DIP2C: variants seen among roughly 807,000 people sequenced by gnomAD.
DIP2C encodes the protein disco-interacting protein 2 homolog C.
A neutral mutation model predicts 192.4 loss-of-function variants in DIP2C; 33 were observed. That is an observed-to-expected ratio of 0.17 (90% CI 0.13 to 0.23). DIP2C has a LOEUF of 0.23. DIP2C is among the 10% of genes least tolerant of loss of function. The probability of loss-of-function intolerance (pLI) is 1.00; values close to 1 mark genes in which losing one functional copy is unlikely to be tolerated. For synonymous variants in DIP2C, 979 were observed against 864.1 expected (o/e 1.13, Z -2.33); for missense variants, 1,537 against 2,110.1 (o/e 0.73, Z 5.32).
chr10:538,107 T>G lies in DIP2C; in HGVS notation c.86-51577A>C, dbSNP rs897648841. ...GCCTGGCTGTGAATGTATTTTAAAT[T>G]TTTAAGCTTTTTGTTTCTAGACTCT... is the stretch of plus-strand genomic sequence containing the variant. On this transcript the variant is annotated intron_variant, in intron 1 of 36. Transcript: ENST00000280886. Among the ~76,000 whole-genome samples, 6 of 152,212 alleles carry G rather than the reference T, an allele frequency of 3.9e-5. No individual in the cohort carries two copies. The East Asian group carries it at 5.8e-4, about 15-fold the overall frequency.
At chr10:470,496 G>A (rs542883151) in intron 3 of DIP2C, among the ~76,000 whole-genome samples, 12 of 152,168 alleles carry the variant, frequency 7.9e-5, no homozygotes, top group South Asian at 2.1e-4. Flanking sequence ...AACAGAAAAC[G>A]CACCCCAAGC....
intron 2 of DIP2C, among the ~76,000 whole-genome samples, chr10:485,766 G>T (rs1013708192): frequency 1.3e-5 from 2 of 152,210 alleles, no homozygotes; most frequent in Admixed American, 6.5e-5. Flanking sequence ...TTATGTTTGA[G>T]GAAGAAACTG....
In DIP2C at chr10:417,239, T is replaced by C. The variant is rs974055831; in HGVS notation, c.740-1351A>G. ...ACCCCCGAACTTCTAGCTCATGACG[T>C]CTGGGGTGTGACCCAGAATCACCCT... is the stretch of plus-strand genomic sequence containing the variant. On this transcript the variant is annotated intron_variant, in intron 6 of 36. Transcript: ENST00000280886. Among the ~76,000 whole-genome samples, 6 of 152,130 alleles carry C rather than the reference T, an allele frequency of 3.9e-5. No individual in the cohort carries two copies. In the East Asian group the frequency reaches 1.2e-3, roughly 29 times the overall value.
At chr10:335,292 C>G (rs1957706871) in intron 29 of DIP2C, among the ~76,000 whole-genome samples, 1 of 152,206 alleles carries the variant, frequency 6.6e-6, no homozygotes, top group South Asian at 2.1e-4. Context: ...CTTGGATTAT[C>G]TAATGGTGAA....
At chr10:624,221 C>T (rs2131849986) in intron 1 of DIP2C, among the ~76,000 whole-genome samples, 1 of 152,318 alleles carries the variant, frequency 6.6e-6, no homozygotes, top group Middle Eastern at 3.4e-3. Flanking sequence ...AGGCCTGGGG[C>T]TCCCAGCTGA....
At chr10:328,110 C>T (rs901893263) in intron 30 of DIP2C, among the ~76,000 whole-genome samples, 4 of 152,194 alleles carry the variant, frequency 2.6e-5, no homozygotes, top group South Asian at 2.1e-4. Flanking sequence ...CCTCGGCACA[C>T]GGACAACCGA....
At chr10:612,287 G>A (rs963856668) in intron 1 of DIP2C, among the ~76,000 whole-genome samples, 17 of 146,188 alleles carry the variant, frequency 1.2e-4, no homozygotes, top group Admixed American at 3.4e-4. Flanking sequence ...GCAAGACTCC[G>A]TCTCAAAAAA....
chr10:520,520 G>T (rs1278769090), intron 1 of DIP2C, among the ~76,000 whole-genome samples: 2 of 152,218 alleles, frequency 1.3e-5, no homozygotes, highest in Non-Finnish European at 2.9e-5. Flanking sequence ...AGGAGTTTGG[G>T]TTTTCCGTGG....
intron 29 of DIP2C, among the ~76,000 whole-genome samples, chr10:330,290 CGATTCTT>C (rs929555175): frequency 4.6e-5 from 7 of 152,098 alleles, no homozygotes; most frequent in African/African-American, 1.7e-4. Flanking sequence ...AGAAAAATAA[CGATTCTT>C]TAATTTTACC....
chr10:670,361 TACACACATGC>T (rs1321105727), intron 1 of DIP2C, among the ~76,000 whole-genome samples: 18 of 152,054 alleles, frequency 1.2e-4, no homozygotes, highest in African/African-American at 3.9e-4. Flanking sequence ...TACATACACA[TACACACATGC>T]ACACACATGC....
intron 1 of DIP2C, chr10:662,241 C>T: frequency 1.5e-6 from 1 of 648,734 alleles, no homozygotes; most frequent in South Asian, 1.8e-5. Flanking sequence ...TTCCTAGCTC[C>T]TCCTGAAGGT....
At chr10:658,368 G>C (rs1051166770) in intron 1 of DIP2C, among the ~76,000 whole-genome samples, 13 of 144,624 alleles carry the variant, frequency 9.0e-5, no homozygotes, top group Non-Finnish European at 1.9e-4. Context: ...TGGACCTGCC[G>C]CTGGACCTGA....
chr10:416,621 C>T (rs752530091), intron 6 of DIP2C, among the ~76,000 whole-genome samples: 5 of 152,220 alleles, frequency 3.3e-5, no homozygotes, highest in Admixed American at 1.3e-4. Context: ...TTTTAAAATA[C>T]TGTGCTAATT....
chr10:467,515 AAAACTT>A (rs1970306688), intron 3 of DIP2C, among the ~76,000 whole-genome samples: 1 of 126,418 alleles, frequency 7.9e-6, no homozygotes, highest in South Asian at 3.2e-4. Flanking sequence ...CATGTACCCT[AAAACTT>A]AAAGTATAAA....
chr10:510,126 A>AAC (rs1396657193), intron 1 of DIP2C, among the ~76,000 whole-genome samples: 1 of 152,222 alleles, frequency 6.6e-6, no homozygotes, highest in Non-Finnish European at 1.5e-5. Context: ...GGACCCGTAC[A>AAC]ACACGCATGA....
intron 36 of DIP2C, 54 bp from the exon 37 acceptor site, chr10:277,631 T>C: frequency 5.0e-6 from 8 of 1,590,778 alleles, no homozygotes; most frequent in South Asian, 1.2e-5. Context: ...CTTTATTTAA[T>C]AGCCGTGGTT....
intron 22 of DIP2C, among the ~76,000 whole-genome samples, chr10:359,525 C>T (rs189821486): frequency 2.6e-5 from 4 of 152,280 alleles, no homozygotes; most frequent in East Asian, 3.9e-4. Context: ...ATTTTCACGT[C>T]GTAGTTGTGA....
At chr10:595,913 G>A (rs1851674158) in intron 1 of DIP2C, among the ~76,000 whole-genome samples, 1 of 152,186 alleles carries the variant, frequency 6.6e-6, no homozygotes, top group Non-Finnish European at 1.5e-5. Flanking sequence ...CAAACTAACT[G>A]TTCTGATTAG....
At chr10:342,939 C>A (rs1219389823) in intron 28 of DIP2C, among the ~76,000 whole-genome samples, 1 of 152,118 alleles carries the variant, frequency 6.6e-6, no homozygotes, top group Non-Finnish European at 1.5e-5. Flanking sequence ...CCAAACAAAC[C>A]TCAGAGGAAA....
Sources: allele counts gnomAD v4.1 joint callset (sites outside exome capture counted in the v4.1 genomes callset), GRCh38; gene constraint gnomAD v4.1.1; transcripts MANE v1.5; gene names NCBI Gene and HGNC (gene_info 2026-07-23, HGNC 2026-07-21).